The following GPAT3 variants were observed in gnomAD, a reference collection of about 807,000 sequenced individuals.
The protein encoded by GPAT3 is 1-AGP acyltransferase 9.
GPAT3 carries 53 observed loss-of-function variants against 58.8 expected under a neutral mutation model. The ratio of observed to expected loss-of-function variants is 0.90; its 90% confidence interval spans 0.72 to 1.13. GPAT3 has a LOEUF of 1.13. Ranked by LOEUF, GPAT3 falls within the 50% of genes most tolerant of loss-of-function variation. The pLI, the probability that GPAT3 is intolerant of heterozygous loss-of-function variation, is 0.00. For synonymous variants in GPAT3, 197 were observed against 187.4 expected, an observed-to-expected ratio of 1.05 and a Z score of -0.42; for missense variants, 511 against 527.6, an observed-to-expected ratio of 0.97 and a Z score of 0.31.
At chr4:83,590,544 G>A (rs1391840921) in intron 6 of GPAT3, among the ~76,000 whole-genome samples, 2 of 152,180 alleles carry the variant, frequency 1.3e-5, no homozygotes, top group Non-Finnish European at 2.9e-5. Context: ...AGCTTAATAG[G>A]ACCTTGTAAA....
chr4:83,557,889 T>C (rs1467147098), intron 2 of GPAT3, among the ~76,000 whole-genome samples: 1 of 152,152 alleles, frequency 6.6e-6, no homozygotes, highest in Non-Finnish European at 1.5e-5. Flanking sequence ...ACTCAGAGTT[T>C]TAAACAATGT....
rs577796563 is a variant in GPAT3 at position 83,537,878 on chromosome 4, A to G, written c.141+1115A>G. Among the ~76,000 whole-genome samples the G allele has an allele frequency of 5.9e-5, 9 of 152,242 alleles. 1 individual carries two copies. The South Asian group carries it at 1.5e-3, about 25-fold the overall frequency. On this transcript the variant is annotated intron_variant, in intron 1 of 11. Coordinates refer to ENST00000264409, the MANE Select transcript of GPAT3 (RefSeq NM_032717.5). ...GCTCTGTTTCTCAAAATGTGACCTTAGGGAGGTCATCTACTCTTGTGCCTC... is the reference window on the plus strand; with the variant it reads ...GCTCTGTTTCTCAAAATGTGACCTTGGGGAGGTCATCTACTCTTGTGCCTC...
intron 3 of GPAT3, among the ~76,000 whole-genome samples, chr4:83,585,896 A>C (rs1226350719): frequency 1.3e-5 from 2 of 152,178 alleles, no homozygotes; most frequent in Non-Finnish European, 2.9e-5. Flanking sequence ...TCTTGTTTTA[A>C]ATAATGCTAA....
At position 83,598,751 on chromosome 4, in the gene GPAT3, CTTTTTTTTTTTT is replaced by C. The variant is rs70965361; in HGVS notation, c.1205+53_1205+64del. 140 of 152,372 alleles carry C rather than the reference CTTTTTTTTTTTT, an allele frequency of 9.2e-4. 1 individual carries two copies. The highest frequency in any genetic ancestry group is 2.7e-3 in the East Asian group (11 of 4,114). The allele number at this position is 152,372 out of a possible 1,614,324, so 9.4% of individuals were successfully genotyped here. A position where few individuals can be genotyped will look rare whatever the true frequency, so the allele number is the denominator to read the frequency against. On this transcript the variant is annotated intron_variant, in intron 11 of 11. Coordinates refer to ENST00000264409, the MANE Select transcript of GPAT3 (RefSeq NM_032717.5). ...AAGAGAACTTTCAGAAGTACTATCA[CTTTTTTTTTTTT>C]TTTTTTTTTTTTTTTTTTTTTTTTA...
At chr4:83,559,858 A>G (rs1036183657) in intron 2 of GPAT3, among the ~76,000 whole-genome samples, 3 of 152,194 alleles carry the variant, frequency 2.0e-5, no homozygotes, top group African/African-American at 4.8e-5. Context: ...ATGGAAGTAG[A>G]TAGCAGTGCT....
intron 2 of GPAT3, among the ~76,000 whole-genome samples, chr4:83,570,752 C>T (rs772357179): frequency 1.8e-4 from 27 of 152,120 alleles, no homozygotes; most frequent in Middle Eastern, 3.4e-3. Context: ...GGATTACAGG[C>T]GTGAGCCACT....
At chr4:83,580,435 C>T (rs1386726485) in intron 2 of GPAT3, among the ~76,000 whole-genome samples, 1 of 152,084 alleles carries the variant, frequency 6.6e-6, no homozygotes, top group Non-Finnish European at 1.5e-5. Flanking sequence ...ATGAAGAATG[C>T]TACAGTGAAC....
At chr4:83,582,969 G>A (rs189927811) in intron 3 of GPAT3, among the ~76,000 whole-genome samples, 2 of 152,148 alleles carry the variant, frequency 1.3e-5, no homozygotes, top group South Asian at 2.1e-4. Context: ...CCATTGGCAT[G>A]CAGGAAGGAA....
At chr4:83,595,019 C>A in intron 7 of GPAT3, 59 bp downstream of exon 7, 1 of 1,477,014 alleles carries the variant, frequency 6.8e-7, no homozygotes, top group Non-Finnish European at 9.4e-7. Flanking sequence ...CCAATCTTGG[C>A]CTTGCTACCA....
intron 2 of GPAT3, among the ~76,000 whole-genome samples, chr4:83,558,892 G>A (rs1725031702): frequency 6.6e-6 from 1 of 152,264 alleles, no homozygotes; most frequent in East Asian, 1.9e-4. Context: ...TGAATTTAGA[G>A]AAAAACCAAG....
chr4:83,589,621 A>G (rs1726516093), intron 5 of GPAT3, among the ~76,000 whole-genome samples: 1 of 152,332 alleles, frequency 6.6e-6, no homozygotes, highest in African/African-American at 2.4e-5. Flanking sequence ...CCATGAAACC[A>G]CTAAAAGTGA....
intron 9 of GPAT3, among the ~76,000 whole-genome samples, chr4:83,597,811 A>G (rs1020453188): frequency 1.3e-5 from 2 of 152,192 alleles, no homozygotes; most frequent in Non-Finnish European, 2.9e-5. Flanking sequence ...CAGATATTTA[A>G]TAGTCATGTA....
intron 2 of GPAT3, among the ~76,000 whole-genome samples, chr4:83,580,932 T>G (rs1427498304): frequency 6.6e-6 from 1 of 151,704 alleles, no homozygotes; most frequent in Admixed American, 6.6e-5. Flanking sequence ...CTGTCTCTAT[T>G]AAAAATACAA....
chr4:83,556,909 G>A (rs1399091250), intron 2 of GPAT3, among the ~76,000 whole-genome samples: 5 of 152,104 alleles, frequency 3.3e-5, no homozygotes, highest in East Asian at 1.9e-4. Flanking sequence ...TCACAGTTCC[G>A]GAGGCTGGAA....
chr4:83,539,595 A>T (rs1724221387), intron 1 of GPAT3, among the ~76,000 whole-genome samples: 1 of 151,916 alleles, frequency 6.6e-6, no homozygotes, highest in African/African-American at 2.4e-5. Context: ...CTCTTCTCTG[A>T]CTCCTTCTTA....
chr4:83,604,786 T>C lies in GPAT3; in HGVS notation c.*19T>C. On this transcript the variant is annotated 3_prime_UTR_variant, in exon 12 of 12. Coordinates refer to ENST00000264409, the MANE Select transcript of GPAT3 (RefSeq NM_032717.5). ...CAGCTAAGAGGACGGATGACAGCCT[T>C]TAGATCTAGAACTAGCCCTTAGAAA... 1 of 1,598,072 alleles carries C rather than the reference T, an allele frequency of 6.3e-7. No homozygotes were observed. The highest frequency in any genetic ancestry group is 8.6e-7 in the Non-Finnish European group (1 of 1,166,206).
intron 2 of GPAT3, among the ~76,000 whole-genome samples, chr4:83,553,501 G>C (rs1724830390): frequency 6.6e-6 from 1 of 152,162 alleles, no homozygotes; most frequent in Non-Finnish European, 1.5e-5. Context: ...GGTCTGGTTG[G>C]TGATTTAGCT....
chr4:83,578,754 C>G (rs559689112), intron 2 of GPAT3, among the ~76,000 whole-genome samples: 196 of 152,292 alleles, frequency 1.3e-3, no homozygotes, highest in Non-Finnish European at 1.9e-3. Context: ...GGTTCATCCT[C>G]TAATACTAAT....
intron 2 of GPAT3, among the ~76,000 whole-genome samples, chr4:83,563,463 T>C (rs1432638075): frequency 6.6e-6 from 1 of 151,302 alleles, no homozygotes; most frequent in Non-Finnish European, 1.5e-5. Flanking sequence ...TTTATTATTT[T>C]ATTTTTTCTT....
Sources: allele counts gnomAD v4.1 joint callset (sites outside exome capture counted in the v4.1 genomes callset), GRCh38; gene constraint gnomAD v4.1.1; transcripts MANE v1.5; gene names NCBI Gene and HGNC (gene_info 2026-07-23, HGNC 2026-07-21).